TNR: variants seen among roughly 807,000 people sequenced by gnomAD.
TNR encodes tenascin-R.
Under a neutral mutation model 150.4 loss-of-function variants are expected in TNR, and 45 were observed. That is an observed-to-expected ratio of 0.30 (90% CI 0.24 to 0.38). The LOEUF (loss-of-function observed/expected upper bound fraction) is 0.38, where lower values mean the gene tolerates loss of function less well. TNR is among the 10% of genes least tolerant of loss of function. TNR has a pLI of 1.00. For missense variants in TNR, 1,544 were observed against 1,759.1 expected (o/e 0.88, Z 2.19); for synonymous variants, 687 against 678.4 (o/e 1.01, Z -0.20).
At chr1:175,406,065 C>T in intron 3 of TNR, 151 bp downstream of exon 3, 1 of 1,049,574 alleles carries the variant, frequency 9.5e-7, no homozygotes, top group South Asian at 1.7e-5. Flanking sequence ...GACTAGGACA[C>T]TTTTTTCCTT....
chr1:175,464,629 G>C (rs1354376311), intron 2 of TNR, among the ~76,000 whole-genome samples: 1 of 152,166 alleles, frequency 6.6e-6, no homozygotes, highest in Non-Finnish European at 1.5e-5. Context: ...TGAACAGAAA[G>C]GTTGTAAGTA....
intron 21 of TNR, among the ~76,000 whole-genome samples, chr1:175,326,770 C>T (rs775841738): frequency 7.2e-5 from 11 of 152,076 alleles, no homozygotes; most frequent in South Asian, 2.1e-4. Context: ...CAGGTTCAAG[C>T]GATTCTCCTG....
At chr1:175,473,800 G>C (rs1049515680) in intron 2 of TNR, among the ~76,000 whole-genome samples, 3 of 152,116 alleles carry the variant, frequency 2.0e-5, no homozygotes, top group African/African-American at 7.2e-5. Context: ...CAATCTACCC[G>C]GAAAGATCAA....
intron 1 of TNR, among the ~76,000 whole-genome samples, chr1:175,586,379 C>A (rs1196173654): frequency 1.3e-5 from 2 of 152,070 alleles, no homozygotes; most frequent in Admixed American, 6.5e-5. Flanking sequence ...TTTTCCCCTG[C>A]AACCTCCGCC....
At chr1:175,629,836 G>A (rs534795316) in intron 1 of TNR, among the ~76,000 whole-genome samples, 1 of 152,258 alleles carries the variant, frequency 6.6e-6, no homozygotes, top group Admixed American at 6.5e-5. Flanking sequence ...AGCTAGAATG[G>A]GACAGACACA....
At chr1:175,329,990 T>C (rs1285728264) in intron 21 of TNR, 84 bp downstream of exon 21, 13 of 1,364,496 alleles carry the variant, frequency 9.5e-6, no homozygotes, top group African/African-American at 1.4e-5. Flanking sequence ...GTGCTGCTGC[T>C]TCCTGAGGCA....
intron 2 of TNR, among the ~76,000 whole-genome samples, chr1:175,414,427 A>G (rs186792100): frequency 7.2e-5 from 11 of 152,324 alleles, no homozygotes; most frequent in Non-Finnish European, 1.0e-4. Context: ...ATACACTAAC[A>G]GTTGTGAGCA....
intron 15 of TNR, among the ~76,000 whole-genome samples, chr1:175,357,562 A>G (rs1434544715): frequency 6.6e-6 from 1 of 152,196 alleles, no homozygotes; most frequent in Non-Finnish European, 1.5e-5. Flanking sequence ...ATACCAAACT[A>G]TGGTAGTTCT....
At chr1:175,365,391 C>T in intron 11 of TNR, 112 bp from the exon 12 acceptor site, 2 of 1,234,704 alleles carry the variant, frequency 1.6e-6, no homozygotes, top group Admixed American at 5.6e-5. Flanking sequence ...AGGGCCACAC[C>T]TTCACCCACT....
chr1:175,650,808 CCT>C (rs1207545406), intron 1 of TNR, among the ~76,000 whole-genome samples: 4 of 1,068 alleles, frequency 3.7e-3, no homozygotes, highest in South Asian at 0.031. Context: ...CTCATTACTA[CCT>C]GTCCCCCACC....
At chr1:175,561,926 C>T (rs1003325003) in intron 1 of TNR, among the ~76,000 whole-genome samples, 2 of 152,226 alleles carry the variant, frequency 1.3e-5, no homozygotes, top group Non-Finnish European at 2.9e-5. Context: ...TTAGAATAGA[C>T]CAGTTCAGCT....
At position 175,576,301 on chromosome 1, in the gene TNR, A is replaced by C. The variant is rs1157738831; in HGVS notation, c.-164-47932T>G. Reference sequence around the variant, plus strand: ...CACCGGTTTTCCCTGAAAGAGATGCAAAGTCAGGTGGAGAGAATTTGAGCA... The same window carrying C: ...CACCGGTTTTCCCTGAAAGAGATGCCAAGTCAGGTGGAGAGAATTTGAGCA... On this transcript the variant is annotated intron_variant, in intron 1 of 22. Transcript: ENST00000367674. Among the ~76,000 whole-genome samples the C allele has an allele frequency of 3.3e-5, 5 of 152,294 alleles. No homozygotes were observed. In the East Asian group the frequency reaches 9.6e-4, roughly 29 times the overall value.
chr1:175,670,178 G>A (rs1665653322), intron 1 of TNR, among the ~76,000 whole-genome samples: 1 of 152,194 alleles, frequency 6.6e-6, no homozygotes, highest in African/African-American at 2.4e-5. Flanking sequence ...CTCTTATACT[G>A]AGACCTCAGC....
At chr1:175,560,316 T>C (rs10913006) in intron 1 of TNR, among the ~76,000 whole-genome samples, 4 of 152,176 alleles carry the variant, frequency 2.6e-5, no homozygotes, top group African/African-American at 9.6e-5. Context: ...AAATCCTTGA[T>C]AAAATAGAGG....
chr1:175,470,274 A>G (rs1424490120), intron 2 of TNR, among the ~76,000 whole-genome samples: 1 of 152,180 alleles, frequency 6.6e-6, no homozygotes, highest in Non-Finnish European at 1.5e-5. Flanking sequence ...AAGAAAATGT[A>G]TAAAGTGAAA....
intron 1 of TNR, among the ~76,000 whole-genome samples, chr1:175,699,693 T>C (rs1010584175): frequency 6.6e-6 from 1 of 151,638 alleles, no homozygotes; most frequent in African/African-American, 2.4e-5. Flanking sequence ...AGACGGAAGG[T>C]GGTGGTGGCC....
At chr1:175,723,585 T>C (rs1667398978) in intron 1 of TNR, among the ~76,000 whole-genome samples, 1 of 152,240 alleles carries the variant, frequency 6.6e-6, no homozygotes, top group African/African-American at 2.4e-5. Context: ...CTGATAAATT[T>C]ATTTTGCTAG....
chr1:175,494,524 A>G lies in TNR; in HGVS notation c.-64+33745T>C, dbSNP rs994187362. On this transcript the variant is annotated intron_variant, in intron 2 of 22. Transcript: ENST00000367674. ...AACTGCCTGTCTACCTGGGGAGGAC[A>G]TGCTTTTGTAGGGCAGTCACTGACA... Among the ~76,000 whole-genome samples the G allele has an allele frequency of 1.6e-4, 25 of 151,686 alleles. 1 individual carries two copies. The highest frequency in any genetic ancestry group is 3.4e-3 in the Middle Eastern group (1 of 294).
At chr1:175,610,257 C>A (rs1260121350) in intron 1 of TNR, among the ~76,000 whole-genome samples, 1 of 152,132 alleles carries the variant, frequency 6.6e-6, no homozygotes, top group Non-Finnish European at 1.5e-5. Flanking sequence ...GAAATAACCC[C>A]CCTCTTTTGT....
Sources: gnomAD v4.1 joint callset for allele counts (sites outside exome capture counted in the v4.1 genomes callset) on GRCh38, gnomAD v4.1.1 for gene constraint, MANE v1.5 for transcripts, NCBI Gene and HGNC (gene_info 2026-07-23, HGNC 2026-07-21) for gene names.